NLRP2: variants seen among roughly 807,000 people sequenced by gnomAD.
NLRP2 encodes the protein NACHT, LRR and PYD domains-containing protein 2.
In NLRP2, 107 loss-of-function variants were observed where a neutral mutation model predicts 97.2. The ratio of observed to expected loss-of-function variants is 1.10; its 90% CI spans 0.94 to 1.29. NLRP2 has a LOEUF of 1.29. Among genes scored for constraint, NLRP2 ranks in the 50% most tolerant of loss-of-function variants. The pLI is 0.00. For synonymous variants in NLRP2, 663 were observed against 551.5 expected (o/e 1.20, Z -2.83); for missense variants, 1,495 against 1,330.3 (o/e 1.12, Z -1.93).
At chr19:54,967,871 T>C (rs1476991181) in intron 1 of NLRP2, among the ~76,000 whole-genome samples, 4 of 151,886 alleles carry the variant, frequency 2.6e-5, no homozygotes, top group Non-Finnish European at 5.9e-5. Context: ...AGCTATCATA[T>C]AAAGAGGTGT....
chr19:54,998,014 G>GT (rs1186673792), intron 12 of NLRP2, among the ~76,000 whole-genome samples: 2 of 137,536 alleles, frequency 1.5e-5, no homozygotes, highest in African/African-American at 5.3e-5. Flanking sequence ...GTTTTGTTTT[G>GT]TTTTTTCTTT....
In NLRP2 at chr19:54,990,639, T is replaced by C; in HGVS notation, c.2675T>C (p.Leu892Ser). 5 of 1,614,000 alleles carry C rather than the reference T, an allele frequency of 3.1e-6. No individual in the cohort carries two copies. Among genetic ancestry groups the C allele is most frequent in the Non-Finnish European group, 4.2e-6 (5 of 1,179,908 alleles). ...NTGVKFLCEG[L>S]RYPECKLQTL... ...GGGGTGAAGTTTCTGTGTGAGGGCT[T>C]GAGGTACCCCGAGTGTAAACTGCAG... Residue 892 changes from leucine (L) to serine (S), a missense_variant, in exon 10 of 13, where the codon TTG becomes TCG. Coordinates refer to ENST00000448584, the MANE Select transcript of NLRP2 (RefSeq NM_017852.5).
At chr19:54,994,029 A>G (rs1602427561) in intron 10 of NLRP2, 1 of 601,626 alleles carries the variant, frequency 1.7e-6, no homozygotes, top group East Asian at 2.8e-5. Context: ...CAGGATATAA[A>G]CCATCTTAAG....
At chr19:54,981,441 T>G (rs2071563460) in intron 4 of NLRP2, among the ~76,000 whole-genome samples, 176 bp from the exon 5 acceptor site, 1 of 152,056 alleles carries the variant, frequency 6.6e-6, no homozygotes. Flanking sequence ...GTTCTGGGAT[T>G]ATAGGCATGA....
rs147910964 is a variant in NLRP2 at position 54,987,892 on chromosome 19, C to T, written c.2366+1577C>T. On this transcript the variant is annotated intron_variant, in intron 8 of 12. Coordinates refer to ENST00000448584, the MANE Select transcript of NLRP2 (RefSeq NM_017852.5). ...CCCACGTCTACTAAAAATACAAAAA[C>T]ATTAGCTGGGCATGGTGGCGCGTGC... Among the ~76,000 whole-genome samples the T allele has an allele frequency of 3.8e-3, 579 of 150,522 alleles. 4 individuals are homozygous for T. The highest frequency in any genetic ancestry group is 0.014 in the African/African-American group (555 of 40,966).
intron 2 of NLRP2, among the ~76,000 whole-genome samples, chr19:54,971,919 C>G (rs1056238196): frequency 6.6e-6 from 1 of 151,986 alleles, no homozygotes; most frequent in African/African-American, 2.4e-5. Flanking sequence ...ACCTCCGCCT[C>G]CCGGGTTCAA....
chr19:54,977,487 T>TTGTGTGTGTGTGTGTGTG (rs61515967), intron 3 of NLRP2, among the ~76,000 whole-genome samples: 16 of 147,536 alleles, frequency 1.1e-4, no homozygotes, highest in East Asian at 1.0e-3. Context: ...CGTGAGTAGT[T>TTGTGTGTGTGTGTGTGTG]TGTGTGTGTG....
intron 6 of NLRP2, among the ~76,000 whole-genome samples, chr19:54,984,329 G>GTTTTTTTTTTTTTTTTTTT (rs200366059): frequency 2.4e-4 from 19 of 79,664 alleles, no homozygotes; most frequent in African/African-American, 7.4e-4. Context: ...TTTTTTTTGT[G>GTTTTTTTTTTTTTTTTTTT]TTTTTTTTTT....
At position 54,985,040 on chromosome 19, in the gene NLRP2, C is replaced by G. The variant is rs771611799; in HGVS notation, c.2031-7C>G. 3.1e-6 allele frequency: 5 copies of G among 1,613,880 alleles called. No individual in the cohort carries two copies. The highest frequency in any genetic ancestry group is 4.2e-6 in the Non-Finnish European group (5 of 1,179,952). ...TTTGGTGTAACCCTTTCTTCTCTTC[C>G]CTATAGATCCCAGGATGATCAGCAC... On this transcript the variant is annotated splice_region_variant and splice_polypyrimidine_tract_variant and intron_variant, in intron 6 of 12. Transcript: ENST00000448584.
chr19:54,985,259 G>A, intron 7 of NLRP2, 42 bp downstream of exon 7: 1 of 1,574,994 alleles, frequency 6.3e-7, no homozygotes, highest in Admixed American at 1.7e-5. Flanking sequence ...CTTAGGGTAT[G>A]AAAATGGTAC....
chr19:54,973,438 C>A (rs971178050), intron 2 of NLRP2, among the ~76,000 whole-genome samples: 2 of 146,296 alleles, frequency 1.4e-5, no homozygotes, highest in African/African-American at 5.1e-5. Context: ...TGCAATGGCG[C>A]GATCTCGGCT....
chr19:54,982,871 G>C lies in NLRP2; in HGVS notation c.1173G>C (p.Leu391=), dbSNP rs755814470. Residue 391 remains leucine, a synonymous_variant, in exon 6 of 13, where the codon CTG becomes CTC. Coordinates refer to ENST00000448584, the MANE Select transcript of NLRP2 (RefSeq NM_017852.5). The part of the protein sequence containing the change: ...AFELMRSNAA[L]FQLGSAPAVC... ...AGCTAATGAGGAGCAACGCGGCCCT[G>C]TTCCAGCTGGGCTCGGCCCCCGCGG... 6.2e-7 allele frequency: 1 copy of C among 1,613,120 alleles called. No individual in the cohort carries two copies. Among genetic ancestry groups the C allele is most frequent in the Non-Finnish European group, 8.5e-7 (1 of 1,179,982 alleles).
chr19:54,980,864 C>A (rs1163497413), intron 4 of NLRP2, among the ~76,000 whole-genome samples: 1 of 152,182 alleles, frequency 6.6e-6, no homozygotes. Context: ...AATCCCAGCA[C>A]TTTGGGAGGC....
intron 1 of NLRP2, among the ~76,000 whole-genome samples, chr19:54,966,851 T>C (rs1235338663): frequency 1.1e-4 from 12 of 111,932 alleles, no homozygotes; most frequent in African/African-American, 2.5e-4. Flanking sequence ...TTTTTTTTTT[T>C]CTTCTCTTTT....
intron 4 of NLRP2, among the ~76,000 whole-genome samples, chr19:54,981,023 ATCGC>A (rs774371628): frequency 6.6e-6 from 1 of 152,272 alleles, no homozygotes; most frequent in Middle Eastern, 3.4e-3. Context: ...AGGCAGGAGA[ATCGC>A]TTGAACCCGG....
chr19:54,970,214 T>C lies in NLRP2; in HGVS notation c.199T>C (p.Trp67Arg). Reference sequence around the variant, plus strand: ...CCTCACCACCCATTGTGACAGCTACTGGGTGGAGATGGCGAGCCTCCAGGT... The same window carrying C: ...CCTCACCACCCATTGTGACAGCTACCGGGTGGAGATGGCGAGCCTCCAGGT... ...EILTTHCDSYWVEMASLQVFE... is the reference protein window; with the variant it reads ...EILTTHCDSYRVEMASLQVFE... The change falls in exon 2 of 13, where the codon TGG becomes CGG. Residue 67 changes from tryptophan (W) to arginine (R), a missense_variant. Trp to Arg is a moderately radical substitution (Grantham distance 101, BLOSUM62 -3). Coordinates refer to ENST00000448584, the MANE Select transcript of NLRP2 (RefSeq NM_017852.5). 6.2e-7 allele frequency: 1 copy of C among 1,614,140 alleles called. No homozygotes were observed. Among genetic ancestry groups the C allele is most frequent in the Non-Finnish European group, 8.5e-7 (1 of 1,180,040 alleles).
intron 1 of NLRP2, among the ~76,000 whole-genome samples, chr19:54,969,153 T>A (rs1315853517): frequency 1.3e-5 from 2 of 152,170 alleles, no homozygotes; most frequent in Non-Finnish European, 2.9e-5. Flanking sequence ...TTTCGCTTTA[T>A]AGGTTAACTT....
At chr19:54,969,885 G>A (rs2070731414) in intron 1 of NLRP2, 114 bp from the exon 2 acceptor site, 1 of 1,056,200 alleles carries the variant, frequency 9.5e-7, no homozygotes, top group Non-Finnish European at 1.4e-6. Flanking sequence ...GTTTGTTCTT[G>A]AAGAAGCAGG....
At chr19:54,968,045 A>T (rs2070588090) in intron 1 of NLRP2, among the ~76,000 whole-genome samples, 2 of 151,422 alleles carry the variant, frequency 1.3e-5, no homozygotes, top group Non-Finnish European at 2.9e-5. Context: ...CAGCCTTCTA[A>T]GTAGCTGGGA....
Sources: allele counts gnomAD v4.1 joint callset (sites outside exome capture counted in the v4.1 genomes callset), GRCh38; gene constraint gnomAD v4.1.1; transcripts MANE v1.5; gene names NCBI Gene and HGNC (gene_info 2026-07-23, HGNC 2026-07-21).